Variants in HTR2C observed in about 807,000 individuals in gnomAD.
HTR2C encodes the protein 5-hydroxytryptamine receptor 2C, also known as 5-hydroxytryptamine (serotonin) receptor 2C, G protein-coupled.
Under a neutral mutation model 21.0 loss-of-function variants are expected in HTR2C, and 5 were observed. The observed-to-expected ratio is 0.24, with a 90% CI of 0.12 to 0.50. HTR2C has a LOEUF of 0.50. HTR2C is among the 20% of genes least tolerant of loss of function. The pLI, the probability that HTR2C is intolerant of heterozygous loss-of-function variation, is 0.98. For synonymous variants in HTR2C, 150 were observed against 145.3 expected, an observed-to-expected ratio of 1.03 and a Z score of -0.23; for missense variants, 271 against 371.2, an observed-to-expected ratio of 0.73 and a Z score of 2.22.
chrX:114,659,253 A>G (rs782013498), intron 2 of HTR2C, among the ~76,000 whole-genome samples: 2 of 111,762 alleles, frequency 1.8e-5, no homozygotes, highest in African/African-American at 6.5e-5. Flanking sequence ...TGGGAACTAC[A>G]ATTCAAGATG....
intron 3 of HTR2C, among the ~76,000 whole-genome samples, chrX:114,731,091 C>T (rs2069530622): frequency 9.0e-6 from 1 of 111,192 alleles, no homozygotes; most frequent in Admixed American, 9.6e-5. Flanking sequence ...ATAATAATCA[C>T]TCAATAAAAG....
intron 4 of HTR2C, among the ~76,000 whole-genome samples, chrX:114,805,482 TTTTG>T (rs1556448411): frequency 2.0e-5 from 2 of 101,109 alleles, no homozygotes; most frequent in African/African-American, 7.1e-5. Flanking sequence ...AAATTTTAAA[TTTTG>T]GTGGGTACAT....
intron 4 of HTR2C, among the ~76,000 whole-genome samples, chrX:114,748,891 C>A (rs1158573712): frequency 6.3e-5 from 7 of 111,252 alleles, no homozygotes; most frequent in Admixed American, 9.6e-5. Context: ...TGGACTTCAT[C>A]AAAATTAAAA....
intron 1 of HTR2C, among the ~76,000 whole-genome samples, chrX:114,604,325 T>A (rs1373075846): frequency 9.2e-6 from 1 of 109,097 alleles, no homozygotes; most frequent in Non-Finnish European, 1.9e-5. Context: ...TTTAAAAGGG[T>A]ATTGTCTAAG....
At chrX:114,651,267 G>C (rs1367872332) in intron 2 of HTR2C, among the ~76,000 whole-genome samples, 1 of 111,448 alleles carries the variant, frequency 9.0e-6, no homozygotes. Flanking sequence ...TTTAATATTA[G>C]GGATTATAAA....
chrX:114,727,849 C>G (rs1289621277), intron 3 of HTR2C, among the ~76,000 whole-genome samples: 1 of 110,943 alleles, frequency 9.0e-6, no homozygotes, highest in African/African-American at 3.3e-5. Context: ...ATGGAAGAGT[C>G]CAAGAGAACT....
rs143812701 is a variant in HTR2C, at chrX:114,585,485, C to T, written c.-147+826C>T. On this transcript the variant is annotated intron_variant, in intron 1 of 5. Transcript: ENST00000276198. ...CCTGTACTCAGTTTTACCTGACAAG[C>T]AGTCTTTACAGCGTTCCTCGGAATT... Among the ~76,000 whole-genome samples, 91 of 111,775 alleles carry T rather than the reference C, an allele frequency of 8.1e-4. No homozygotes were observed. In the East Asian group the frequency reaches 0.011, roughly 13 times the overall value.
intron 1 of HTR2C, among the ~76,000 whole-genome samples, chrX:114,609,772 A>G (rs1928642444): frequency 8.9e-6 from 1 of 112,301 alleles, no homozygotes; most frequent in African/African-American, 3.2e-5. Flanking sequence ...GAACAAAGAA[A>G]GGGTGGAAGA....
chrX:114,755,953 T>TA lies in HTR2C; in HGVS notation c.349+24355dup, dbSNP rs1416758523. Among the ~76,000 whole-genome samples, 11 of 108,144 alleles carry TA rather than the reference T, an allele frequency of 1.0e-4. No homozygotes were observed. In the South Asian group the frequency reaches 2.4e-3, roughly 24 times the overall value. The allele number at this position is 108,144 out of a possible 115,157, so 93.9% of individuals were successfully genotyped here. A position where few individuals can be genotyped will look rare whatever the true frequency, so the allele number is the denominator to read the frequency against. Reference sequence around the variant, plus strand: ...TGCAAGATCCTATGTCTACAAAACTTAAAAAAAAATAGCTGAATGTGGGGG... The same window carrying TA: ...TGCAAGATCCTATGTCTACAAAACTTAAAAAAAAAATAGCTGAATGTGGGGG... On this transcript the variant is annotated intron_variant, in intron 4 of 5. Coordinates refer to ENST00000276198, the MANE Select transcript of HTR2C (RefSeq NM_000868.4).
intron 5 of HTR2C, among the ~76,000 whole-genome samples, chrX:114,904,877 G>T (rs1556486187): frequency 1.3e-5 from 1 of 77,892 alleles, no homozygotes. Flanking sequence ...CAGTCTGGCA[G>T]CTTTCTTAAC....
At chrX:114,597,218 C>T (rs372319339) in intron 1 of HTR2C, among the ~76,000 whole-genome samples, 14 of 44,177 alleles carry the variant, frequency 3.2e-4, no homozygotes, top group African/African-American at 1.1e-3. Flanking sequence ...ATTTCATCTC[C>T]AAAAAAAAAA....
At chrX:114,637,523 A>C (rs782187947) in intron 2 of HTR2C, among the ~76,000 whole-genome samples, 10 of 112,013 alleles carry the variant, frequency 8.9e-5, no homozygotes, top group African/African-American at 2.3e-4. Context: ...AAAGTAGATT[A>C]TTTATTTTGA....
chrX:114,656,052 T>C (rs1650124673), intron 2 of HTR2C, among the ~76,000 whole-genome samples: 2 of 111,070 alleles, frequency 1.8e-5, no homozygotes, highest in African/African-American at 6.5e-5. Flanking sequence ...AATAGTTTGT[T>C]CTTTTCTTTT....
At chrX:114,695,171 A>G (rs1932240804) in intron 2 of HTR2C, among the ~76,000 whole-genome samples, 1 of 112,535 alleles carries the variant, frequency 8.9e-6, no homozygotes, top group South Asian at 3.6e-4. Context: ...GTATTATTTG[A>G]TGAAGAAATT....
chrX:114,803,048 A>G (rs1211888184), intron 4 of HTR2C, among the ~76,000 whole-genome samples: 1 of 85,712 alleles, frequency 1.2e-5, no homozygotes, highest in Non-Finnish European at 2.3e-5. Context: ...ATGTCCCTAC[A>G]AAGGACATGA....
chrX:114,836,488 C>T (rs1210567550), intron 4 of HTR2C, among the ~76,000 whole-genome samples: 1 of 112,199 alleles, frequency 8.9e-6, no homozygotes, highest in Non-Finnish European at 1.9e-5. Flanking sequence ...TCTGTCACCC[C>T]TTTCTTTGAC....
rs1932086090 is a variant in HTR2C, at chrX:114,690,848, G to A, written c.-79-36010G>A. 2.7e-5 allele frequency among the ~76,000 whole-genome samples: 3 copies of A among 111,260 alleles called. No homozygotes were observed. In the Admixed American group the frequency reaches 2.9e-4, roughly 11 times the overall value. On this transcript the variant is annotated intron_variant, in intron 2 of 5. Coordinates refer to ENST00000276198, the MANE Select transcript of HTR2C (RefSeq NM_000868.4). ...GATTTAATACATTTATCGTGTCATGGAAAACATATGACTTATACCCTAGGT... is the reference window on the plus strand; with the variant it reads ...GATTTAATACATTTATCGTGTCATGAAAAACATATGACTTATACCCTAGGT...
At chrX:114,694,218 T>C (rs1602692769) in intron 2 of HTR2C, among the ~76,000 whole-genome samples, 2 of 110,814 alleles carry the variant, frequency 1.8e-5, no homozygotes, top group Non-Finnish European at 1.9e-5. Flanking sequence ...CTTGAAAGCA[T>C]GAGGAAGAAT....
At chrX:114,794,574 T>A (rs1406622745) in intron 4 of HTR2C, among the ~76,000 whole-genome samples, 1 of 87,149 alleles carries the variant, frequency 1.1e-5, no homozygotes, top group African/African-American at 4.4e-5. Context: ...CTCCTTCCTG[T>A]GTCCATGTGT....
Sources: allele counts gnomAD v4.1 joint callset (sites outside exome capture counted in the v4.1 genomes callset), GRCh38; gene constraint gnomAD v4.1.1; transcripts MANE v1.5; gene names NCBI Gene and HGNC (gene_info 2026-07-23, HGNC 2026-07-21).